GRID2: variants seen among roughly 807,000 people sequenced by gnomAD.
GRID2 encodes the protein glutamate receptor ionotropic, delta-2.
In GRID2, 33 loss-of-function variants were observed where a neutral mutation model predicts 114.8. That is an observed-to-expected ratio of 0.29 (90% CI 0.22 to 0.38). GRID2 has a LOEUF of 0.38. Among genes scored for constraint, GRID2 ranks in the 10% least tolerant of loss-of-function variants. The pLI, the probability that GRID2 is intolerant of heterozygous loss-of-function variation, is 1.00. For missense variants in GRID2, 1,184 were observed against 1,257.7 expected (o/e 0.94, Z 0.89); for synonymous variants, 505 against 449.9 (o/e 1.12, Z -1.55).
At chr4:92,874,799 A>G (rs552650833) in intron 2 of GRID2, among the ~76,000 whole-genome samples, 16 of 152,340 alleles carry the variant, frequency 1.1e-4, no homozygotes, top group African/African-American at 3.6e-4. Flanking sequence ...ATTAAGTTAC[A>G]GTGGTACTCA....
chr4:92,911,937 C>T (rs1748416919), intron 2 of GRID2, among the ~76,000 whole-genome samples: 1 of 151,688 alleles, frequency 6.6e-6, no homozygotes, highest in South Asian at 2.1e-4. Context: ...TCCAGTTTTT[C>T]CTGTTTATGG....
chr4:93,136,277 T>C (rs892912054), intron 4 of GRID2, among the ~76,000 whole-genome samples: 1 of 146,814 alleles, frequency 6.8e-6, no homozygotes, highest in Admixed American at 7.0e-5. Flanking sequence ...TGTGTGTGTG[T>C]GTTTAATTAT....
intron 2 of GRID2, among the ~76,000 whole-genome samples, chr4:92,731,446 GA>G (rs1276516198): frequency 6.6e-6 from 1 of 151,774 alleles, no homozygotes; most frequent in Non-Finnish European, 1.5e-5. Context: ...GGCAATCTAA[GA>G]AAATTCTGAA....
intron 2 of GRID2, among the ~76,000 whole-genome samples, chr4:92,957,637 A>T (rs1258894157): frequency 2.0e-5 from 3 of 151,862 alleles, no homozygotes; most frequent in Non-Finnish European, 2.9e-5. Context: ...GCTATACTGA[A>T]TATTTTGCCA....
intron 4 of GRID2, among the ~76,000 whole-genome samples, chr4:93,121,117 A>T (rs944363806): frequency 6.6e-6 from 1 of 152,166 alleles, no homozygotes; most frequent in Non-Finnish European, 1.5e-5. Context: ...GGGTGCCCTG[A>T]GTACTCAAAT....
chr4:92,940,306 G>A (rs1426422053), intron 2 of GRID2, among the ~76,000 whole-genome samples: 1 of 146,702 alleles, frequency 6.8e-6, no homozygotes, highest in African/African-American at 2.4e-5. Context: ...GGATTCCTAG[G>A]TATTTTATTC....
chr4:93,267,689 G>C (rs1751006867), intron 8 of GRID2, among the ~76,000 whole-genome samples: 1 of 152,170 alleles, frequency 6.6e-6, no homozygotes, highest in Admixed American at 6.5e-5. Flanking sequence ...CCACAAAGGG[G>C]AAGCACACAA....
chr4:93,381,128 A>G (rs1309368207), intron 8 of GRID2, among the ~76,000 whole-genome samples: 1 of 152,224 alleles, frequency 6.6e-6, no homozygotes, highest in Non-Finnish European at 1.5e-5. Flanking sequence ...CAATGATAAT[A>G]AGTACATTTA....
At chr4:93,730,277 A>G (rs888782294) in intron 14 of GRID2, among the ~76,000 whole-genome samples, 2 of 151,238 alleles carry the variant, frequency 1.3e-5, no homozygotes, top group Non-Finnish European at 3.0e-5. Context: ...ATCTCATGGA[A>G]ACAATTCAGA....
intron 2 of GRID2, among the ~76,000 whole-genome samples, chr4:93,060,688 T>G (rs1033821758): frequency 1.3e-5 from 2 of 152,188 alleles, no homozygotes; most frequent in Admixed American, 6.6e-5. Flanking sequence ...GCTAACTTTT[T>G]TCCTAATGAC....
chr4:92,600,535 G>A (rs1456097992), intron 2 of GRID2, among the ~76,000 whole-genome samples: 1 of 152,184 alleles, frequency 6.6e-6, no homozygotes, highest in Non-Finnish European at 1.5e-5. Flanking sequence ...CTACGGGATT[G>A]TGTAAAAAGA....
intron 1 of GRID2, among the ~76,000 whole-genome samples, chr4:92,573,127 C>A (rs1727712541): frequency 6.6e-6 from 1 of 151,932 alleles, no homozygotes. Context: ...TTTATAGTAT[C>A]CTCTGATGGT....
intron 2 of GRID2, among the ~76,000 whole-genome samples, chr4:92,889,401 C>G (rs745348629): frequency 6.6e-6 from 1 of 152,280 alleles, no homozygotes; most frequent in Non-Finnish European, 1.5e-5. Context: ...ACTCCTTAAG[C>G]TGATAAGCAA....
At chr4:92,441,785 A>T (rs1733102416) in intron 1 of GRID2, among the ~76,000 whole-genome samples, 1 of 151,858 alleles carries the variant, frequency 6.6e-6, no homozygotes, top group African/African-American at 2.4e-5. Flanking sequence ...CCAAGGAGGG[A>T]GTAGAGGTAT....
chr4:93,355,853 A>G (rs1761284417), intron 8 of GRID2, among the ~76,000 whole-genome samples: 1 of 152,018 alleles, frequency 6.6e-6, no homozygotes, highest in Admixed American at 6.6e-5. Context: ...ACATGCTACC[A>G]CAGAATGCAA....
At chr4:92,850,771 AGACCCACAAT>A (rs1743716522) in intron 2 of GRID2, among the ~76,000 whole-genome samples, 1 of 151,954 alleles carries the variant, frequency 6.6e-6, no homozygotes, top group South Asian at 2.1e-4. Flanking sequence ...TGTTGAATCG[AGACCCACAAT>A]GACCCAAGAG....
At chr4:92,668,009 C>A (rs1304598917) in intron 2 of GRID2, among the ~76,000 whole-genome samples, 3 of 151,730 alleles carry the variant, frequency 2.0e-5, no homozygotes, top group Non-Finnish European at 4.4e-5. Context: ...TATCATCAAA[C>A]TGAAAAAGCA....
chr4:92,702,889 C>T (rs1472090838), intron 2 of GRID2, among the ~76,000 whole-genome samples: 1 of 152,012 alleles, frequency 6.6e-6, no homozygotes, highest in African/African-American at 2.4e-5. Flanking sequence ...CAAGTACTCT[C>T]CCATAAGTGC....
chr4:93,040,942 T>A (rs1015502091), intron 2 of GRID2, among the ~76,000 whole-genome samples: 2 of 152,152 alleles, frequency 1.3e-5, no homozygotes, highest in South Asian at 2.1e-4. Context: ...CAGCAGTGGT[T>A]ATCTTGGATC....
Sources: allele counts gnomAD v4.1 joint callset (sites outside exome capture counted in the v4.1 genomes callset), GRCh38; gene constraint gnomAD v4.1.1; transcripts MANE v1.5; gene names NCBI Gene and HGNC (gene_info 2026-07-23, HGNC 2026-07-21).